The following HIVEP3 variants were observed in gnomAD, a reference collection of about 807,000 sequenced individuals.
HIVEP3 encodes transcription factor HIVEP3.
In HIVEP3, 49 loss-of-function variants were observed where a neutral mutation model predicts 152.8. The ratio of observed to expected loss-of-function variants is 0.32; its 90% CI spans 0.26 to 0.41. The LOEUF (loss-of-function observed/expected upper bound fraction) is 0.41, where lower values mean the gene tolerates loss of function less well. Ranked by LOEUF, HIVEP3 falls within the 10% of genes least tolerant of loss-of-function variation. HIVEP3 has a pLI of 1.00. For missense variants in HIVEP3, 2,790 were observed against 3,103.3 expected (o/e 0.90, Z 2.40); for synonymous variants, 1,269 against 1,289.0 (o/e 0.98, Z 0.33).
intron 1 of HIVEP3, among the ~76,000 whole-genome samples, chr1:41,814,885 T>C (rs545888477): frequency 6.6e-6 from 1 of 152,314 alleles, no homozygotes; most frequent in Admixed American, 6.5e-5. Context: ...TTACTGAGTG[T>C]AAAAGGCATA....
intron 1 of HIVEP3, among the ~76,000 whole-genome samples, chr1:41,726,327 C>T (rs1185491132): frequency 1.3e-5 from 2 of 152,108 alleles, no homozygotes; most frequent in African/African-American, 4.8e-5. Context: ...GTCAAGGCAC[C>T]ATCTCTAAGT....
At chr1:41,612,887 C>G (rs1349152613) in intron 3 of HIVEP3, among the ~76,000 whole-genome samples, 1 of 152,220 alleles carries the variant, frequency 6.6e-6, no homozygotes, top group African/African-American at 2.4e-5. Flanking sequence ...TGAGGTACAA[C>G]TGAAGCCTCA....
intron 1 of HIVEP3, among the ~76,000 whole-genome samples, chr1:41,865,019 A>G (rs1643943395): frequency 6.6e-6 from 1 of 152,200 alleles, no homozygotes; most frequent in Admixed American, 6.5e-5. Flanking sequence ...TTAAACAGCA[A>G]GGGTGAAGGA....
At chr1:41,859,914 T>C (rs529533779) in intron 1 of HIVEP3, among the ~76,000 whole-genome samples, 8 of 152,302 alleles carry the variant, frequency 5.3e-5, no homozygotes, top group Admixed American at 4.6e-4. Flanking sequence ...TCCCTACCGC[T>C]GGGAAGGGTT....
intron 2 of HIVEP3, among the ~76,000 whole-genome samples, chr1:41,639,010 C>A (rs1041902931): frequency 2.6e-5 from 4 of 152,214 alleles, no homozygotes; most frequent in Admixed American, 2.6e-4. Flanking sequence ...GAGGCCCCTG[C>A]CACCCTCCTG....
intron 1 of HIVEP3, among the ~76,000 whole-genome samples, chr1:41,911,590 A>G (rs1196730829): frequency 6.6e-6 from 1 of 152,216 alleles, no homozygotes; most frequent in Non-Finnish European, 1.5e-5. Flanking sequence ...GGAACTTGAA[A>G]AAAAATGTTT....
intron 1 of HIVEP3, among the ~76,000 whole-genome samples, chr1:41,867,638 C>G (rs1238820552): frequency 6.6e-6 from 1 of 152,222 alleles, no homozygotes; most frequent in Admixed American, 6.5e-5. Flanking sequence ...TCGTGCTTAA[C>G]CTTGGAAGCA....
At chr1:41,682,308 C>A (rs1299533579) in intron 2 of HIVEP3, among the ~76,000 whole-genome samples, 2 of 152,126 alleles carry the variant, frequency 1.3e-5, no homozygotes, top group Non-Finnish European at 2.9e-5. Flanking sequence ...TCCTGGCTTC[C>A]GTGGCACTCT....
At chr1:41,910,500 CT>C (rs1644778591) in intron 1 of HIVEP3, among the ~76,000 whole-genome samples, 1 of 151,892 alleles carries the variant, frequency 6.6e-6, no homozygotes, top group African/African-American at 2.4e-5. Context: ...CTATAACTTA[CT>C]TTACAAATTC....
intron 1 of HIVEP3, among the ~76,000 whole-genome samples, chr1:41,980,739 C>T (rs1211452456): frequency 2.0e-5 from 3 of 152,044 alleles, no homozygotes; most frequent in African/African-American, 7.2e-5. Context: ...TGAATGGAAC[C>T]GTCTGAGGGC....
chr1:41,707,886 C>T (rs1203678683), intron 1 of HIVEP3, among the ~76,000 whole-genome samples: 1 of 152,238 alleles, frequency 6.6e-6, no homozygotes, highest in African/African-American at 2.4e-5. Context: ...CTATCTGCAG[C>T]AATAGACCTG....
At chr1:41,783,332 C>T (rs902643038) in intron 1 of HIVEP3, among the ~76,000 whole-genome samples, 1 of 152,098 alleles carries the variant, frequency 6.6e-6, no homozygotes, top group Non-Finnish European at 1.5e-5. Flanking sequence ...CCACACGCTT[C>T]GGAAGGATCA....
At chr1:41,809,950 G>A (rs1029340428) in intron 1 of HIVEP3, among the ~76,000 whole-genome samples, 1 of 152,120 alleles carries the variant, frequency 6.6e-6, no homozygotes, top group Non-Finnish European at 1.5e-5. Flanking sequence ...ATATCCAAAC[G>A]ACATGTCCAT....
At chr1:41,854,433 G>T (rs1019883437) in intron 1 of HIVEP3, among the ~76,000 whole-genome samples, 1 of 150,982 alleles carries the variant, frequency 6.6e-6, no homozygotes, top group East Asian at 1.9e-4. Flanking sequence ...ACTCCTGTTC[G>T]CTCACCCCTC....
intron 1 of HIVEP3, among the ~76,000 whole-genome samples, chr1:42,003,863 G>A (rs907907179): frequency 6.6e-6 from 1 of 151,894 alleles, no homozygotes; most frequent in Non-Finnish European, 1.5e-5. Context: ...CTCTGGGGGA[G>A]ACATAAGCTT....
intron 1 of HIVEP3, among the ~76,000 whole-genome samples, chr1:42,024,157 T>C (rs1422286975): frequency 1.3e-5 from 2 of 152,234 alleles, no homozygotes; most frequent in African/African-American, 4.8e-5. Context: ...GAAATAACTA[T>C]GATCATGGAT....
At chr1:41,544,861 C>T (rs868848618) in intron 5 of HIVEP3, among the ~76,000 whole-genome samples, 1,243 of 61,208 alleles carry the variant, frequency 0.02, 17 homozygotes, top group East Asian at 0.056. Flanking sequence ...ACCACCACCA[C>T]CACCACCACC....
rs1644397931 is a variant in HIVEP3 at position 41,507,749 on chromosome 1, GGT to G, written c.*2700_*2701del. ...CGAGCGTCTTTCTCCAAATCATGAA[GGT>G]GTACCTGTGGGCTGGGGGCTCTGTG... On this transcript the variant is annotated 3_prime_UTR_variant, in exon 9 of 9. Transcript: ENST00000372583. The G allele has an allele frequency of 6.6e-6, 1 of 152,402 alleles. No homozygotes were observed. The highest frequency in any genetic ancestry group is 2.4e-5 in the African/African-American group (1 of 41,466). 9.4% of individuals were successfully genotyped at this position (152,402 alleles called of 1,614,324 possible). A position where few individuals can be genotyped will look rare whatever the true frequency, so the allele number is the denominator to read the frequency against.
At chr1:41,923,007 C>T (rs1176998032), upstream of HIVEP3, among the ~76,000 whole-genome samples, 1 of 151,614 alleles carries the variant, frequency 6.6e-6, no homozygotes, top group Non-Finnish European at 1.5e-5. Context: ...AGTCATTGAT[C>T]AAAAAAATTC....
Sources: allele counts gnomAD v4.1 joint callset (sites outside exome capture counted in the v4.1 genomes callset), GRCh38; gene constraint gnomAD v4.1.1; transcripts MANE v1.5; gene names NCBI Gene and HGNC (gene_info 2026-07-23, HGNC 2026-07-21).